The following CACNA2D3 variants were observed in gnomAD, a reference collection of about 807,000 sequenced individuals.
The protein encoded by CACNA2D3 is calcium voltage-gated channel auxiliary subunit alpha2delta 3, also known as voltage-dependent calcium channel subunit alpha-2/delta-3.
A neutral mutation model predicts 160.6 loss-of-function variants in CACNA2D3; 60 were observed. That is an observed-to-expected ratio of 0.37 (90% CI 0.30 to 0.46). The LOEUF (loss-of-function observed/expected upper bound fraction) is 0.46, where lower values mean the gene tolerates loss of function less well. CACNA2D3 is among the 20% of genes least tolerant of loss of function. The probability of loss-of-function intolerance (pLI) is 1.00; values close to 1 mark genes in which losing one functional copy is unlikely to be tolerated. For missense variants in CACNA2D3, 1,205 were observed against 1,365.0 expected, an observed-to-expected ratio of 0.88 and a Z score of 1.85; for synonymous variants, 558 against 492.9, an observed-to-expected ratio of 1.13 and a Z score of -1.75.
intron 31 of CACNA2D3, among the ~76,000 whole-genome samples, chr3:55,004,512 A>G (rs906653037): frequency 1.3e-5 from 2 of 152,198 alleles, no homozygotes; most frequent in African/African-American, 4.8e-5. Context: ...GTCAAGTTAG[A>G]TGGGTCCTCA....
chr3:55,073,031 G>A (rs781158512), intron 35 of CACNA2D3, among the ~76,000 whole-genome samples: 13 of 152,174 alleles, frequency 8.5e-5, no homozygotes, highest in African/African-American at 1.9e-4. Flanking sequence ...TCAGTCTATC[G>A]TTGAGGGAAG....
intron 35 of CACNA2D3, among the ~76,000 whole-genome samples, chr3:55,021,663 GTGTATATATATATGTGTA>G (rs1559465976): frequency 5.0e-5 from 7 of 140,620 alleles, no homozygotes; most frequent in Admixed American, 1.4e-4. Context: ...ATATATGTGT[GTGTATATATATATGTGTA>G]TATATATATA....
intron 11 of CACNA2D3, among the ~76,000 whole-genome samples, chr3:54,703,649 A>G (rs1246139903): frequency 6.6e-6 from 1 of 152,096 alleles, no homozygotes; most frequent in African/African-American, 2.4e-5. Context: ...GTAAGGTCTC[A>G]TTTTCTTTTC....
rs13070201 is a variant in CACNA2D3 at position 54,687,145 on chromosome 3, T to G, written c.1167+44904T>G. Among the ~76,000 whole-genome samples, 325 of 74,592 alleles carry G rather than the reference T, an allele frequency of 4.4e-3. 2 individuals are homozygous for G. The highest frequency in any genetic ancestry group is 0.022 in the East Asian group (96 of 4,300). 48.9% of individuals were successfully genotyped at this position (74,592 alleles called of 152,430 possible). ...TCTTTTTTTTTTTTTGTTTTTTTTT[T>G]TTTTTGTTTTTTTGACACTGGGCCT... is the stretch of plus-strand genomic sequence containing the variant. On this transcript the variant is annotated intron_variant, in intron 11 of 37. Coordinates refer to ENST00000474759, the MANE Select transcript of CACNA2D3 (RefSeq NM_018398.3).
At chr3:54,968,410 G>T (rs1416992997) in intron 27 of CACNA2D3, 40 bp from the exon 28 acceptor site, 1 of 1,309,302 alleles carries the variant, frequency 7.6e-7, no homozygotes, top group South Asian at 1.2e-5. Context: ...ATTGTGTAAA[G>T]GGATCACTAA....
intron 11 of CACNA2D3, among the ~76,000 whole-genome samples, chr3:54,651,587 C>G (rs1261298077): frequency 6.6e-6 from 1 of 151,934 alleles, no homozygotes; most frequent in East Asian, 1.9e-4. Flanking sequence ...GCTTAGGGGA[C>G]CTGGCTCAGG....
intron 11 of CACNA2D3, among the ~76,000 whole-genome samples, chr3:54,681,171 T>C (rs945946048): frequency 6.6e-6 from 1 of 151,688 alleles, no homozygotes; most frequent in African/African-American, 2.4e-5. Context: ...TAGACAAAAC[T>C]CTGACTTGTG....
At chr3:54,756,178 T>A (rs1483671070) in intron 12 of CACNA2D3, among the ~76,000 whole-genome samples, 5 of 152,054 alleles carry the variant, frequency 3.3e-5, no homozygotes, top group Non-Finnish European at 7.4e-5. Context: ...CCATAATAAT[T>A]CTCCTTCCCT....
At chr3:54,917,163 A>G (rs1700682048) in intron 27 of CACNA2D3, among the ~76,000 whole-genome samples, 1 of 152,242 alleles carries the variant, frequency 6.6e-6, no homozygotes, top group Non-Finnish European at 1.5e-5. Flanking sequence ...AATTTACAAA[A>G]TGCATAAATC....
At chr3:54,849,231 G>T (rs1699002214) in intron 17 of CACNA2D3, among the ~76,000 whole-genome samples, 1 of 152,164 alleles carries the variant, frequency 6.6e-6, no homozygotes, top group Non-Finnish European at 1.5e-5. Flanking sequence ...AAGGTTGTTT[G>T]TTTGTTTTAA....
At chr3:54,597,931 G>C (rs1702987335) in intron 9 of CACNA2D3, among the ~76,000 whole-genome samples, 1 of 151,962 alleles carries the variant, frequency 6.6e-6, no homozygotes. Flanking sequence ...GACCAGCCGT[G>C]GGCACTGGTT....
chr3:54,754,366 T>C (rs1328769851), intron 12 of CACNA2D3, among the ~76,000 whole-genome samples: 6 of 152,104 alleles, frequency 3.9e-5, no homozygotes, highest in Admixed American at 3.9e-4. Context: ...CTGAGTCACG[T>C]CATCTACAGA....
intron 11 of CACNA2D3, among the ~76,000 whole-genome samples, chr3:54,722,691 C>T (rs995135991): frequency 3.3e-5 from 5 of 152,276 alleles, no homozygotes; most frequent in African/African-American, 7.2e-5. Flanking sequence ...GGTCCACTCC[C>T]GACCCTGTTT....
intron 2 of CACNA2D3, among the ~76,000 whole-genome samples, chr3:54,127,633 G>A (rs1317819982): frequency 1.3e-5 from 2 of 152,170 alleles, no homozygotes; most frequent in African/African-American, 4.8e-5. Context: ...TGATAAATGC[G>A]TTCAACCTAT....
rs748165133 is a variant in CACNA2D3 at position 54,562,875 on chromosome 3, C to G, written c.620C>G (p.Pro207Arg). 6.2e-7 allele frequency: 1 copy of G among 1,613,494 alleles called. No homozygotes were observed. Among genetic ancestry groups the G allele is most frequent in the Non-Finnish European group, 8.5e-7 (1 of 1,179,552 alleles). ...KVFVDNFDRD[P>R]SLIWQYFGSA... ...TTTGTAGATAACTTTGACCGTGACC[C>G]ATCTCTCATATGGCAGTACTTTGGA... Residue 207 changes from proline (P) to arginine (R), a missense_variant, in exon 6 of 38, where the codon CCA (proline) becomes CGA (arginine). This residue lies in a region of CACNA2D3 where 131 missense variants were observed against 201.5 expected (regional missense o/e 0.65). Transcript: ENST00000474759.
intron 2 of CACNA2D3, among the ~76,000 whole-genome samples, chr3:54,214,626 A>G (rs754426495): frequency 1.3e-4 from 20 of 152,102 alleles, no homozygotes; most frequent in South Asian, 2.1e-4. Context: ...TGGTGCTCCT[A>G]TTGTTTTAAA....
At position 54,928,930 on chromosome 3, in the gene CACNA2D3, T is replaced by C. The variant is rs79824059; in HGVS notation, c.2449+29062T>C. Among the ~76,000 whole-genome samples the C allele has an allele frequency of 4.6e-3, 693 of 152,264 alleles. 8 individuals are homozygous for C. The highest frequency in any genetic ancestry group is 0.016 in the African/African-American group (645 of 41,552). On this transcript the variant is annotated intron_variant, in intron 27 of 37. Transcript: ENST00000474759. ...CTTTCCCACCAGGGACTGGAACCGT[T>C]TCTTTGAATGTGGAAATCCCCTGCC...
chr3:54,892,890 G>A (rs1700100106), intron 25 of CACNA2D3, among the ~76,000 whole-genome samples: 1 of 152,210 alleles, frequency 6.6e-6, no homozygotes, highest in Non-Finnish European at 1.5e-5. Flanking sequence ...ATGCTGGGAG[G>A]TGTACCTGGC....
At chr3:54,342,929 G>C (rs918256976) in intron 3 of CACNA2D3, among the ~76,000 whole-genome samples, 3 of 152,264 alleles carry the variant, frequency 2.0e-5, no homozygotes, top group South Asian at 4.1e-4. Context: ...TGAGGCCCGG[G>C]GGGGCCCGCC....
Sources: gnomAD v4.1 joint callset for allele counts (sites outside exome capture counted in the v4.1 genomes callset) on GRCh38, gnomAD v4.1.1 for gene constraint, gnomAD v4.1.1 regional missense constraint, MANE v1.5 for transcripts, NCBI Gene and HGNC (gene_info 2026-07-23, HGNC 2026-07-21) for gene names.